Variants in C19orf38 observed in about 807,000 individuals in gnomAD.
C19orf38 encodes the protein chromosome 19 open reading frame 38.
In C19orf38, 14 loss-of-function variants were observed where a neutral mutation model predicts 26.6. The observed-to-expected ratio is 0.53, with a 90% confidence interval of 0.35 to 0.82. The LOEUF is 0.82. Among genes scored for constraint, C19orf38 ranks in the 40% least tolerant of loss-of-function variants. The pLI is 0.01. For synonymous variants in C19orf38, 132 were observed against 128.5 expected (o/e 1.03, Z -0.18); for missense variants, 261 against 299.5 (o/e 0.87, Z 0.95).
chr19:10,866,280 A>G (rs2073750384), intron 6 of C19orf38, among the ~76,000 whole-genome samples: 1 of 149,118 alleles, frequency 6.7e-6, no homozygotes, highest in African/African-American at 2.5e-5. Context: ...GGCTCACTGC[A>G]ACCTCAACCT....
In C19orf38 at chr19:10,869,410, G is replaced by A. The variant is rs988627362; in HGVS notation, c.*43G>A. 8.6e-6 allele frequency: 13 copies of A among 1,511,168 alleles called. No individual in the cohort carries two copies. Among genetic ancestry groups the A allele is most frequent in the Non-Finnish European group, 1.2e-5 (13 of 1,128,840 alleles). 93.6% of individuals were successfully genotyped at this position (1,511,168 alleles called of 1,614,324 possible). On this transcript the variant is annotated 3_prime_UTR_variant, in exon 7 of 7. Coordinates refer to ENST00000397820, the MANE Select transcript of C19orf38 (RefSeq NM_001136482.3). Reference sequence around the variant, plus strand: ...CCCCTCTGTCTCCAGGCATTCGGGGGCCTGAGGTCCCTCCAGCTACTTCTG... The same window carrying A: ...CCCCTCTGTCTCCAGGCATTCGGGGACCTGAGGTCCCTCCAGCTACTTCTG...
upstream of C19orf38, among the ~76,000 whole-genome samples, chr19:10,844,470 G>T (rs1003343243): frequency 6.6e-6 from 1 of 151,852 alleles, no homozygotes; most frequent in African/African-American, 2.4e-5. Flanking sequence ...CAGCACTTTG[G>T]GAGGCCAAGG....
Position 10,858,332 on chromosome 19 carries a change from A to G in C19orf38, c.450A>G (p.Leu150=), listed in dbSNP as rs2073653189. The G allele has an allele frequency of 6.5e-7, 1 of 1,548,606 alleles. No individual in the cohort carries two copies. The highest frequency in any genetic ancestry group is 2.0e-5 in the Admixed American group (1 of 50,790). Residue 150 remains leucine (L), a synonymous_variant, in exon 4 of 7, where the codon TTA becomes TTG. Coordinates refer to ENST00000397820, the MANE Select transcript of C19orf38 (RefSeq NM_001136482.3). ...LVVRKVKLRN[L]QKKRDRESCW... ...TTGTTCCAGTTAAACTCAGAAATTT[A>G]CAGAAGAAAAGGTGAGATCATCCCT...
rs533680876 is a variant in C19orf38, at chr19:10,860,329, C to T, written c.505+371C>T. On this transcript the variant is annotated intron_variant, in intron 5 of 6. Coordinates refer to ENST00000397820, the MANE Select transcript of C19orf38 (RefSeq NM_001136482.3). Reference sequence around the variant, plus strand: ...CAGGCAGATCACGAGGTCAGGAATTCGAGATCAGCCTGGCCAACATAGTGA... The same window carrying T: ...CAGGCAGATCACGAGGTCAGGAATTTGAGATCAGCCTGGCCAACATAGTGA... Among the ~76,000 whole-genome samples the T allele has an allele frequency of 3.3e-5, 5 of 151,812 alleles. No individual in the cohort carries two copies. The South Asian group carries it at 1.0e-3, about 32-fold the overall frequency.
chr19:10,853,354 G>A (rs573110172), intron 2 of C19orf38, among the ~76,000 whole-genome samples: 56 of 151,518 alleles, frequency 3.7e-4, no homozygotes, highest in African/African-American at 1.2e-3. Flanking sequence ...TCAGCCTCTC[G>A]AGTCTCACTG....
chr19:10,841,989 G>A (rs2073481625), intron 1 of C19orf38: 1 of 1,610,580 alleles, frequency 6.2e-7, no homozygotes, highest in South Asian at 1.1e-5. Context: ...TAAATCTGGA[G>A]AAGGAAGCCA....
At chr19:10,852,151 CAAAA>C (rs980211918) in intron 2 of C19orf38, among the ~76,000 whole-genome samples, 6 of 138,810 alleles carry the variant, frequency 4.3e-5, no homozygotes, top group Non-Finnish European at 9.5e-5. Flanking sequence ...GATTCTGTCT[CAAAA>C]AAAAAAAAGA....
At chr19:10,845,377 GT>G (rs1455762961), upstream of C19orf38, among the ~76,000 whole-genome samples, 1 of 152,084 alleles carries the variant, frequency 6.6e-6, no homozygotes, top group East Asian at 1.9e-4. Context: ...CCACAAAGGA[GT>G]TAAAAATCAT....
chr19:10,853,583 G>C (rs12978481), intron 2 of C19orf38, among the ~76,000 whole-genome samples: 7,875 of 149,102 alleles, frequency 0.053, 274 homozygotes, highest in Non-Finnish European at 0.073. Context: ...ACCATGCCCA[G>C]CTCCCCCCAA....
chr19:10,861,951 TG>T (rs1469338782), intron 5 of C19orf38, among the ~76,000 whole-genome samples: 1 of 151,750 alleles, frequency 6.6e-6, no homozygotes, highest in Non-Finnish European at 1.5e-5. Flanking sequence ...CAGGCTGGAG[TG>T]CGGTGACGCG....
intron 3 of C19orf38, among the ~76,000 whole-genome samples, chr19:10,858,055 C>A (rs556943755): frequency 2.6e-5 from 4 of 151,322 alleles, no homozygotes; most frequent in Admixed American, 6.6e-5. Context: ...CATGACGAAC[C>A]CTCTTCTCTA....
At chr19:10,845,262 C>A (rs899766259), upstream of C19orf38, among the ~76,000 whole-genome samples, 3 of 151,848 alleles carry the variant, frequency 2.0e-5, no homozygotes, top group Non-Finnish European at 4.4e-5. Context: ...TTATACCAAA[C>A]AACTACACCG....
chr19:10,860,015 A>G, intron 5 of C19orf38, 57 bp downstream of exon 5: 1 of 1,474,228 alleles, frequency 6.8e-7, no homozygotes, highest in Non-Finnish European at 9.3e-7. Context: ...TCCAAATGCC[A>G]TCAGGCCTCA....
chr19:10,847,357 A>ATGTCCACTG (rs1213667573), upstream of C19orf38, among the ~76,000 whole-genome samples: 1 of 148,322 alleles, frequency 6.7e-6, no homozygotes. Context: ...TTTGAATCTA[A>ATGTCCACTG]TGTCCACTGC....
At chr19:10,858,545 T>TA (rs2073655709) in intron 4 of C19orf38, among the ~76,000 whole-genome samples, 1 of 152,116 alleles carries the variant, frequency 6.6e-6, no homozygotes, top group Non-Finnish European at 1.5e-5. Flanking sequence ...TCCTTATCCT[T>TA]ATGGCAGCCC....
Position 10,866,357 on chromosome 19 carries a change from ATTTTTT to A in C19orf38, c.544-2846_544-2841del, listed in dbSNP as rs71164128. ...AGGCGAGCGCCAGCATGCCCAGCTAATTTTTTTTTTTTTTTTTTTTGTATTTTTAGT... is the reference window on the plus strand; with the variant it reads ...AGGCGAGCGCCAGCATGCCCAGCTAATTTTTTTTTTTTTTGTATTTTTAGT... On this transcript the variant is annotated intron_variant, in intron 6 of 6. Coordinates refer to ENST00000397820, the MANE Select transcript of C19orf38 (RefSeq NM_001136482.3). Among the ~76,000 whole-genome samples, 190 of 125,642 alleles carry A rather than the reference ATTTTTT, an allele frequency of 1.5e-3. 2 individuals are homozygous for A. The highest frequency in any genetic ancestry group is 5.1e-3 in the African/African-American group (173 of 33,614). 82.4% of individuals were successfully genotyped at this position (125,642 alleles called of 152,430 possible). A position where few individuals can be genotyped will look rare whatever the true frequency, so the allele number is the denominator to read the frequency against.
At chr19:10,869,191 T>A in intron 6 of C19orf38, 27 bp from the exon 7 acceptor site, 1 of 1,551,490 alleles carries the variant, frequency 6.4e-7, no homozygotes, top group Non-Finnish European at 8.7e-7. Flanking sequence ...ATCACCCACT[T>A]CTGTGTTTCT....
intron 3 of C19orf38, among the ~76,000 whole-genome samples, chr19:10,857,625 G>C (rs2146263906): frequency 6.6e-6 from 1 of 151,644 alleles, no homozygotes; most frequent in Middle Eastern, 3.4e-3. Context: ...TGTTGTCCAG[G>C]ATGGCCCAGC....
chr19:10,869,380 G>A lies in C19orf38; in HGVS notation c.*13G>A. On this transcript the variant is annotated 3_prime_UTR_variant, in exon 7 of 7. Coordinates refer to ENST00000397820, the MANE Select transcript of C19orf38 (RefSeq NM_001136482.3). ...GGCCTGCCAGTGAGGCTGAGGACTG[G>A]GGGACCCCTCTGTCTCCAGGCATTC... The A allele has an allele frequency of 6.5e-7, 1 of 1,543,586 alleles. No homozygotes were observed. Among genetic ancestry groups the A allele is most frequent in the Non-Finnish European group, 8.7e-7 (1 of 1,143,630 alleles).
Sources: gnomAD v4.1 joint callset for allele counts (sites outside exome capture counted in the v4.1 genomes callset) on GRCh38, gnomAD v4.1.1 for gene constraint, MANE v1.5 for transcripts, NCBI Gene and HGNC (gene_info 2026-07-23, HGNC 2026-07-21) for gene names.